RBAK: variants seen among roughly 807,000 people sequenced by gnomAD.
RBAK encodes RB associated KRAB zinc finger, also known as RB-associated KRAB zinc finger protein.
RBAK carries 39 observed loss-of-function variants against 65.8 expected under a neutral mutation model. The ratio of observed to expected loss-of-function variants is 0.59; its 90% CI spans 0.46 to 0.77. The LOEUF (loss-of-function observed/expected upper bound fraction) is 0.77, where lower values mean the gene tolerates loss of function less well. Among genes scored for constraint, RBAK ranks in the 30% least tolerant of loss-of-function variants. The pLI is 0.00. For missense variants in RBAK, 884 were observed against 855.1 expected (o/e 1.03, Z -0.42); for synonymous variants, 343 against 289.7 (o/e 1.18, Z -1.87).
rs1276247880 is a variant in RBAK, at chr7:5,068,472, G to A, written c.*2871G>A. The A allele has an allele frequency of 2.0e-5, 3 of 152,196 alleles. No homozygotes were observed. Among genetic ancestry groups the A allele is most frequent in the Non-Finnish European group, 2.9e-5 (2 of 68,028 alleles). The allele number at this position is 152,196 out of a possible 1,614,324, so 9.4% of individuals were successfully genotyped here. On this transcript the variant is annotated 3_prime_UTR_variant, in exon 5 of 5. Transcript: ENST00000396912. ...AGACGGCCAATAAGCATGAAAAGAT[G>A]TGTTAGCTTTATTAGTAATCAGGGA...
rs955340746 is a variant in RBAK at position 5,048,181 on chromosome 7, C to CT, written c.15+99dup. 1,200 of 1,420,194 alleles carry CT rather than the reference C, an allele frequency of 8.4e-4. No individual in the cohort carries two copies. The highest frequency in any genetic ancestry group is 1.8e-3 in the East Asian group (64 of 36,290). 88.0% of individuals were successfully genotyped at this position (1,420,194 alleles called of 1,614,324 possible). A position where few individuals can be genotyped will look rare whatever the true frequency, so the allele number is the denominator to read the frequency against. Reference sequence around the variant, plus strand: ...TAAGGATTCTTACCTTTTTTTTTTTCTTTTTTTTTGAGATGGAGTCTTGCT... The same window carrying CT: ...TAAGGATTCTTACCTTTTTTTTTTTCTTTTTTTTTTGAGATGGAGTCTTGCT... On this transcript the variant is annotated intron_variant, in intron 2 of 4. Coordinates refer to ENST00000396912, the MANE Select transcript of RBAK (RefSeq NM_021163.4). The surrounding 1 kb of genome is among the most constrained non-coding windows in gnomAD (Gnocchi z 4.4).
At chr7:5,055,720 G>A (rs1481455736) in intron 2 of RBAK, among the ~76,000 whole-genome samples, 4 of 151,610 alleles carry the variant, frequency 2.6e-5, no homozygotes, top group Non-Finnish European at 5.9e-5. Context: ...TTTATTGGTT[G>A]ATCAGTCTTC....
chr7:5,055,809 C>T (rs1442762193), intron 2 of RBAK, among the ~76,000 whole-genome samples: 1 of 152,010 alleles, frequency 6.6e-6, no homozygotes, highest in African/African-American at 2.4e-5. Context: ...TTTATCAGCT[C>T]CTGTGGCCTG....
intron 2 of RBAK, among the ~76,000 whole-genome samples, chr7:5,056,129 A>T (rs1317180378): frequency 1.6e-5 from 2 of 124,478 alleles, no homozygotes; most frequent in Non-Finnish European, 3.3e-5. Context: ...TTTTTTTGAG[A>T]CAAGGTCTCA....
At chr7:5,059,360 G>A (rs149690048) in intron 4 of RBAK, among the ~76,000 whole-genome samples, 70 of 149,416 alleles carry the variant, frequency 4.7e-4, no homozygotes, top group Middle Eastern at 6.8e-3. Context: ...CACTCTTGTC[G>A]CCCAGGCTGG....
In RBAK at chr7:5,065,497, TGTAAC is replaced by T. The variant is rs1562541851; in HGVS notation, c.2043_2047del (p.Cys681Ter). 2 of 1,604,700 alleles carry T rather than the reference TGTAAC, an allele frequency of 1.2e-6. No individual in the cohort carries two copies. Among genetic ancestry groups the T allele is most frequent in the Non-Finnish European group, 1.7e-6 (2 of 1,173,838 alleles). Reference sequence around the variant, plus strand: ...TCATTCAGGAGAGAAACCCTATGAATGTAACGAGTGTGGGAAAAAATTCCACCACA... The same window carrying T: ...TCATTCAGGAGAGAAACCCTATGAATGAGTGTGGGAAAAAATTCCACCACA... On this transcript the variant is annotated frameshift_variant, in exon 5 of 5. Coordinates refer to ENST00000396912, the MANE Select transcript of RBAK (RefSeq NM_021163.4). LOFTEE classifies it high-confidence loss of function. This position sits in a 1 kb window ranked among gnomAD's most constrained non-coding sequence, Gnocchi z 5.3.
At position 5,067,899 on chromosome 7, in the gene RBAK, G is replaced by A. The variant is rs1056234744; in HGVS notation, c.*2298G>A. On this transcript the variant is annotated 3_prime_UTR_variant, in exon 5 of 5. Transcript: ENST00000396912. ...GTAATTTGATAAAAAGTTATTTGGA[G>A]GTGGATTGCAGATCTGAATATGAAA... The A allele has an allele frequency of 1.3e-5, 2 of 152,170 alleles. No individual in the cohort carries two copies. Among genetic ancestry groups the A allele is most frequent in the African/African-American group, 4.8e-5 (2 of 41,426 alleles). 9.4% of individuals were successfully genotyped at this position (152,170 alleles called of 1,614,324 possible).
intron 2 of RBAK, 30 bp from the exon 3 acceptor site, chr7:5,057,265 C>T: frequency 6.2e-7 from 1 of 1,613,934 alleles, no homozygotes; most frequent in Non-Finnish European, 8.5e-7. Context: ...TTTTCCGTAT[C>T]TCCCAATTCT....
In RBAK at chr7:5,048,046, A is replaced by G. The variant is rs567805683; in HGVS notation, c.-31A>G. On this transcript the variant is annotated 5_prime_UTR_variant, in exon 2 of 5. Coordinates refer to ENST00000396912, the MANE Select transcript of RBAK (RefSeq NM_021163.4). The surrounding 1 kb of genome is among the most constrained non-coding windows in gnomAD (Gnocchi z 4.4). ...CTCCCCCTCTAGGTCTACCAGCCAC[A>G]GTCTCTGCACGTTTCCAAGAGCAGC... 6.3e-6 allele frequency: 10 copies of G among 1,578,282 alleles called. No homozygotes were observed. The highest frequency in any genetic ancestry group is 2.3e-4 in the Middle Eastern group (1 of 4,262).
intron 2 of RBAK, among the ~76,000 whole-genome samples, chr7:5,053,477 C>G (rs1479844823): frequency 1.3e-5 from 2 of 151,416 alleles, no homozygotes; most frequent in African/African-American, 4.9e-5. Context: ...TTTCATGTTT[C>G]TGTTTTGGGG....
At chr7:5,054,404 TC>T (rs1432397166) in intron 2 of RBAK, among the ~76,000 whole-genome samples, 15 of 120,888 alleles carry the variant, frequency 1.2e-4, no homozygotes, top group African/African-American at 4.6e-4. Flanking sequence ...AGACTTTGCC[TC>T]AAAAAAAAAA....
chr7:5,064,935 C>G lies in RBAK; in HGVS notation c.1479C>G (p.Phe493Leu), dbSNP rs1397871268. ...ATGAATGTAGTGAATGTGGAAAGTT[C>G]TCTCAGTTGTATCTCACCGACCATC... ...KSHECSECGK[F>L]SQLYLTDHHT... The change falls in exon 5 of 5, where the codon TTC (phenylalanine) becomes TTG (leucine). Residue 493 changes from phenylalanine (F) to leucine (L), a missense_variant. By Grantham distance (22) the Phe-to-Leu change is conservative. Coordinates refer to ENST00000396912, the MANE Select transcript of RBAK (RefSeq NM_021163.4). The surrounding 1 kb of genome is among the most constrained non-coding windows in gnomAD (Gnocchi z 6.3). 5 of 1,613,922 alleles carry G rather than the reference C, an allele frequency of 3.1e-6. No homozygotes were observed. Among genetic ancestry groups the G allele is most frequent in the Non-Finnish European group, 4.2e-6 (5 of 1,179,948 alleles).
chr7:5,065,577 C>A lies in RBAK; in HGVS notation c.2121C>A (p.Asn707Lys). The change falls in exon 5 of 5, where the codon AAC (asparagine) becomes AAA (lysine). Residue 707 changes from asparagine (N) to lysine (K), a missense_variant. Coordinates refer to ENST00000396912, the MANE Select transcript of RBAK (RefSeq NM_021163.4). This position sits in a 1 kb window ranked among gnomAD's most constrained non-coding sequence, Gnocchi z 5.3. ...GAATTCATAGAAGAGGAAATATGAACGTACTTGATGTGGAAAATCTCTGAA... is the reference window on the plus strand; with the variant it reads ...GAATTCATAGAAGAGGAAATATGAAAGTACTTGATGTGGAAAATCTCTGAA... ...HQRIHRRGNM[N>K]VLDVENL 1 of 1,533,410 alleles carries A rather than the reference C, an allele frequency of 6.5e-7. No homozygotes were observed. The highest frequency in any genetic ancestry group is 8.7e-7 in the Non-Finnish European group (1 of 1,143,364). 95.0% of individuals were successfully genotyped at this position (1,533,410 alleles called of 1,614,324 possible).
intron 2 of RBAK, among the ~76,000 whole-genome samples, chr7:5,053,066 T>C (rs188760806): frequency 6.6e-6 from 1 of 152,222 alleles, no homozygotes; most frequent in African/African-American, 2.4e-5. Context: ...AGCCCAGTTA[T>C]CTTTTAAAAA....
intron 2 of RBAK, among the ~76,000 whole-genome samples, chr7:5,051,700 A>T (rs4590348): frequency 0.36 from 55,470 of 151,988 alleles, 10,652 homozygotes; most frequent in East Asian, 0.55. Context: ...GGCCAATGAT[A>T]TTATAGAAGT....
chr7:5,065,368 C>T lies in RBAK; in HGVS notation c.1912C>T (p.Leu638Phe). 6.2e-7 allele frequency: 1 copy of T among 1,613,402 alleles called. No homozygotes were observed. Among genetic ancestry groups the T allele is most frequent in the Non-Finnish European group, 8.5e-7 (1 of 1,179,684 alleles). Residue 638 changes from leucine (L) to phenylalanine (F), a missense_variant, in exon 5 of 5, where the codon CTC becomes TTC. Physicochemically the swap from Leu to Phe is conservative, Grantham distance 22. Coordinates refer to ENST00000396912, the MANE Select transcript of RBAK (RefSeq NM_021163.4). The surrounding 1 kb of genome is among the most constrained non-coding windows in gnomAD (Gnocchi z 5.3). ...CGKVFSRMSN[L>F]TVHYRSHSGE... ...AAAAGTCTTCTCTCGGATGTCAAAC[C>T]TCACTGTCCACTACAGAAGCCATTC...
chr7:5,057,909 G>T (rs188383265), intron 4 of RBAK, 130 bp downstream of exon 4: 6 of 885,730 alleles, frequency 6.8e-6, no homozygotes, highest in African/African-American at 3.4e-5. Flanking sequence ...TTTCCTTCCC[G>T]CACACATACA....
intron 2 of RBAK, among the ~76,000 whole-genome samples, chr7:5,052,077 G>A (rs1323517048): frequency 1.3e-5 from 2 of 152,194 alleles, no homozygotes; most frequent in Admixed American, 1.3e-4. Flanking sequence ...AATGTTCAAG[G>A]TTATTACATC....
chr7:5,061,352 A>G (rs1779065177), intron 4 of RBAK, among the ~76,000 whole-genome samples: 3 of 152,132 alleles, frequency 2.0e-5, no homozygotes, highest in African/African-American at 7.2e-5. Flanking sequence ...GCAAGCAGGG[A>G]AAGCAGAATT....
Sources: gnomAD v4.1 joint callset for allele counts (sites outside exome capture counted in the v4.1 genomes callset) on GRCh38, gnomAD v4.1.1 for gene constraint, Gnocchi (gnomAD v3.1) non-coding constraint, MANE v1.5 for transcripts, NCBI Gene and HGNC (gene_info 2026-07-23, HGNC 2026-07-21) for gene names.